The following SYNE2 variants were observed in gnomAD, a reference collection of about 807,000 sequenced individuals.
SYNE2 encodes the protein spectrin repeat containing nuclear envelope protein 2.
Under a neutral mutation model 856.3 loss-of-function variants are expected in SYNE2, and 431 were observed. That is an observed-to-expected ratio of 0.50 (90% CI 0.47 to 0.55). The LOEUF is 0.55. Ranked by LOEUF, SYNE2 falls within the 20% of genes least tolerant of loss-of-function variation. The probability of loss-of-function intolerance (pLI) is 0.00; values close to 1 mark genes in which losing one functional copy is unlikely to be tolerated. For synonymous variants in SYNE2, 2,923 were observed against 2,872.3 expected, an observed-to-expected ratio of 1.02 and a Z score of -0.56; for missense variants, 8,129 against 8,023.2, an observed-to-expected ratio of 1.01 and a Z score of -0.50.
intron 112 of SYNE2, among the ~76,000 whole-genome samples, chr14:64,221,915 G>A (rs1317043555): frequency 6.6e-6 from 1 of 152,072 alleles, no homozygotes; most frequent in Non-Finnish European, 1.5e-5. Context: ...GGAATGGAGA[G>A]CCACAGTCCA....
intron 1 of SYNE2, among the ~76,000 whole-genome samples, chr14:63,907,247 ATATAAT>A (rs1395553363): frequency 3.3e-5 from 5 of 152,222 alleles, no homozygotes; most frequent in Admixed American, 3.3e-4. Context: ...CATCCAGCTT[ATATAAT>A]TATTTGTTGT....
intron 51 of SYNE2, among the ~76,000 whole-genome samples, chr14:64,066,306 A>C (rs2781378): frequency 0.91 from 138,340 of 152,148 alleles, 63,010 homozygotes; most frequent in Non-Finnish European, 0.94. Flanking sequence ...TCTAGAACAG[A>C]CCAGGCAATG....
intron 55 of SYNE2, 51 bp downstream of exon 55, chr14:64,078,657 C>T (rs561702234): frequency 6.2e-7 from 1 of 1,602,948 alleles, no homozygotes; most frequent in South Asian, 1.1e-5. Flanking sequence ...TGACCCACTC[C>T]TGCCTTGTTC....
At chr14:63,859,901 T>TTCTCTCTTTTCTTTCTC (rs1893028793) in intron 1 of SYNE2, among the ~76,000 whole-genome samples, 2 of 151,412 alleles carry the variant, frequency 1.3e-5, no homozygotes, top group Admixed American at 1.3e-4. Context: ...CCTCCCTCCT[T>TTCTCTCTTTTCTTTCTC]TCTCTCTTTT....
chr14:64,161,266 C>A (rs921644032), intron 87 of SYNE2, among the ~76,000 whole-genome samples: 3 of 151,742 alleles, frequency 2.0e-5, no homozygotes, highest in African/African-American at 7.2e-5. Context: ...ATCACTTAAG[C>A]CCAGGAGGTC....
At chr14:64,072,863 T>A (rs1310094068) in intron 52 of SYNE2, among the ~76,000 whole-genome samples, 1 of 152,214 alleles carries the variant, frequency 6.6e-6, no homozygotes, top group East Asian at 1.9e-4. Flanking sequence ...TTGGGTTCAA[T>A]TAATTTGCTA....
At position 64,162,041 on chromosome 14, in the gene SYNE2, G is replaced by C. The variant is rs778469222; in HGVS notation, c.16095-31G>C. 2.5e-6 allele frequency: 4 copies of C among 1,613,318 alleles called. No individual in the cohort carries two copies. The East Asian group carries it at 6.7e-5, about 27-fold the overall frequency. ...TTCGCTACAAGAGAAAGGAGAGAATGAGGGTTATGTTATTTGCGTTGCACT... is the reference window on the plus strand; with the variant it reads ...TTCGCTACAAGAGAAAGGAGAGAATCAGGGTTATGTTATTTGCGTTGCACT... On this transcript the variant is annotated intron_variant, in intron 87 of 115. Coordinates refer to ENST00000555002, the MANE Select transcript of SYNE2 (RefSeq NM_182914.3).
rs766210591 is a variant in SYNE2 at position 63,961,570 on chromosome 14, T to C, written c.833T>C (p.Val278Ala). ...GATGAAAAGTCCATCATGACCTATGTGGCACAGTTTCTGCAGTATTCCAAA... is the reference window on the plus strand; with the variant it reads ...GATGAAAAGTCCATCATGACCTATGCGGCACAGTTTCTGCAGTATTCCAAA... The part of the protein sequence containing the change: ...DPDEKSIMTY[V>A]AQFLQYSKDA... The change falls in exon 9 of 116, where the codon GTG (valine) becomes GCG (alanine). Residue 278 changes from valine to alanine, a missense_variant. Coordinates refer to ENST00000555002, the MANE Select transcript of SYNE2 (RefSeq NM_182914.3). 2 of 1,614,126 alleles carry C rather than the reference T, an allele frequency of 1.2e-6. No homozygotes were observed. The highest frequency in any genetic ancestry group is 1.7e-6 in the Non-Finnish European group (2 of 1,179,994).
chr14:63,942,552 G>A (rs2357175), intron 6 of SYNE2, among the ~76,000 whole-genome samples: 102,917 of 151,626 alleles, frequency 0.68, 35,175 homozygotes, highest in South Asian at 0.77. Flanking sequence ...CTGGAGTGCA[G>A]TGGTGCAGTC....
At chr14:63,982,298 G>C (rs1955371823) in intron 16 of SYNE2, among the ~76,000 whole-genome samples, 1 of 152,158 alleles carries the variant, frequency 6.6e-6, no homozygotes. Context: ...GAGATAAGAT[G>C]CATCATAAAA....
At chr14:63,771,702 C>A (rs1001606050) in intron 1 of SYNE2, among the ~76,000 whole-genome samples, 1 of 151,844 alleles carries the variant, frequency 6.6e-6, no homozygotes, top group South Asian at 2.1e-4. Context: ...AGTTCGAGAC[C>A]AGCTGGCCAA....
chr14:63,962,054 TTTATTTATTTATTTATTTTTG>T lies in SYNE2; in HGVS notation c.888+430_888+450del. Among the ~76,000 whole-genome samples the T allele has an allele frequency of 2.0e-5, 3 of 151,704 alleles. No homozygotes were observed. In the East Asian group the frequency reaches 5.8e-4, roughly 29 times the overall value. On this transcript the variant is annotated intron_variant, in intron 9 of 115. Transcript: ENST00000555002. The stretch of plus-strand genomic sequence containing the variant: ...TTTTTTATTTTTATTTTTATTTTTG[TTTATTTATTTATTTATTTTTG>T]AGATGGAGTCTTGCCCTGTCGCCCA...
chr14:64,213,237 G>C (rs1391900632), intron 105 of SYNE2, among the ~76,000 whole-genome samples: 2 of 152,204 alleles, frequency 1.3e-5, no homozygotes, highest in Admixed American at 6.5e-5. Flanking sequence ...TGAGGCGCAT[G>C]CTCCACGAGT....
Position 64,163,694 on chromosome 14 carries a change from C to G in SYNE2, c.16479+113C>G. ...TACGGGCTGCTCCTTAGCAAAATTACAGACTGAAGCTGCTCCCAAATGTAT... is the reference window on the plus strand; with the variant it reads ...TACGGGCTGCTCCTTAGCAAAATTAGAGACTGAAGCTGCTCCCAAATGTAT... On this transcript the variant is annotated intron_variant, in intron 89 of 115. Transcript: ENST00000555002. 2.5e-6 allele frequency: 3 copies of G among 1,190,390 alleles called. No homozygotes were observed. The South Asian group carries it at 3.9e-5, about 15-fold the overall frequency. The allele number at this position is 1,190,390 out of a possible 1,614,324, so 73.7% of individuals were successfully genotyped here. A position where few individuals can be genotyped will look rare whatever the true frequency, so the allele number is the denominator to read the frequency against.
intron 1 of SYNE2, among the ~76,000 whole-genome samples, chr14:63,822,988 C>T (rs1348255581): frequency 6.6e-6 from 1 of 151,936 alleles, no homozygotes; most frequent in Admixed American, 6.6e-5. Context: ...CCTGTAGTCC[C>T]AGCTACTTAG....
In SYNE2 at chr14:64,137,996, G is replaced by T. The variant is rs1379728618; in HGVS notation, c.14843+13G>T. On this transcript the variant is annotated intron_variant, in intron 79 of 115. Transcript: ENST00000555002. ...AGCATCTGCTCAGGTCAGCCTTTTTGGGGGTGGATTGGCTTCATATTGTGC... is the reference window on the plus strand; with the variant it reads ...AGCATCTGCTCAGGTCAGCCTTTTTTGGGGTGGATTGGCTTCATATTGTGC... 6.2e-7 allele frequency: 1 copy of T among 1,610,244 alleles called. No homozygotes were observed.
intron 1 of SYNE2, among the ~76,000 whole-genome samples, chr14:63,894,415 T>C (rs986045977): frequency 6.6e-6 from 1 of 152,012 alleles, no homozygotes; most frequent in Admixed American, 6.6e-5. Flanking sequence ...AGAAATGGCA[T>C]TTTGCTATGT....
rs76505252 is a variant in SYNE2, at chr14:63,967,621, C to T, written c.991-88C>T. ...CCTTTAAGTAAAAACTTAAATATAT[C>T]CTATACCTATAGACCTCAAAATAAC... On this transcript the variant is annotated intron_variant, in intron 10 of 115. Transcript: ENST00000555002. 4.4e-4 allele frequency: 608 copies of T among 1,388,138 alleles called. 6 individuals are homozygous for T. The East Asian group carries it at 0.012, about 27-fold the overall frequency. 86.0% of individuals were successfully genotyped at this position (1,388,138 alleles called of 1,614,324 possible).
At chr14:64,050,679 G>A (rs2097218872) in intron 47 of SYNE2, among the ~76,000 whole-genome samples, 1 of 152,014 alleles carries the variant, frequency 6.6e-6, no homozygotes, top group Non-Finnish European at 1.5e-5. Context: ...ATGGCAAATG[G>A]TATTAAATTT....
Sources: allele counts gnomAD v4.1 joint callset (sites outside exome capture counted in the v4.1 genomes callset), GRCh38; gene constraint gnomAD v4.1.1; transcripts MANE v1.5; gene names NCBI Gene and HGNC (gene_info 2026-07-23, HGNC 2026-07-21).